Variants in VWA8 observed in about 807,000 individuals in gnomAD.
The protein encoded by VWA8 is von Willebrand factor A domain-containing protein 8.
Under a neutral mutation model 241.5 loss-of-function variants are expected in VWA8, and 221 were observed. The ratio of observed to expected loss-of-function variants is 0.91; its 90% CI spans 0.82 to 1.02. VWA8 has a LOEUF of 1.02. VWA8 is among the 50% of genes least tolerant of loss of function. The probability of loss-of-function intolerance (pLI) is 0.00; values close to 1 mark genes in which losing one functional copy is unlikely to be tolerated. For synonymous variants in VWA8, 852 were observed against 827.1 expected (o/e 1.03, Z -0.52); for missense variants, 2,322 against 2,328.7 (o/e 1.00, Z 0.06).
At chr13:41,690,126 G>A in intron 33 of VWA8, 40 bp downstream of exon 33, 1 of 1,537,144 alleles carries the variant, frequency 6.5e-7, no homozygotes, top group Non-Finnish European at 9.0e-7. Flanking sequence ...GTACAAGCAT[G>A]CACTCACACA....
At chr13:41,829,879 A>G (rs1871354947) in intron 14 of VWA8, among the ~76,000 whole-genome samples, 1 of 152,110 alleles carries the variant, frequency 6.6e-6, no homozygotes, top group African/African-American at 2.4e-5. Context: ...AATCGCCACT[A>G]AAGAACTTAT....
At chr13:41,618,295 C>T (rs1231770647) in intron 37 of VWA8, among the ~76,000 whole-genome samples, 2 of 152,192 alleles carry the variant, frequency 1.3e-5, no homozygotes, top group South Asian at 2.1e-4. Context: ...AGCGTCTGTT[C>T]ATATCCTTTG....
At chr13:41,725,240 T>C (rs1299877833) in intron 24 of VWA8, among the ~76,000 whole-genome samples, 2 of 151,278 alleles carry the variant, frequency 1.3e-5, no homozygotes, top group African/African-American at 2.4e-5. Context: ...TATATCAAGG[T>C]GGGTAGGTGA....
At chr13:41,651,860 G>A (rs998078954) in intron 37 of VWA8, among the ~76,000 whole-genome samples, 5 of 152,142 alleles carry the variant, frequency 3.3e-5, no homozygotes. Context: ...GGAAGAGAAT[G>A]GGGCTTCATT....
At chr13:41,572,405 G>A (rs9590612) in intron 43 of VWA8, among the ~76,000 whole-genome samples, 7,062 of 152,306 alleles carry the variant, frequency 0.046, 545 homozygotes, top group African/African-American at 0.16. Context: ...CTGTGTTGGT[G>A]TAGAAAGAAG....
intron 14 of VWA8, among the ~76,000 whole-genome samples, chr13:41,827,687 T>C (rs536060341): frequency 1.1e-3 from 169 of 152,320 alleles, no homozygotes; most frequent in Admixed American, 1.8e-3. Context: ...CCTCTGGAAA[T>C]AGAGCTAAGC....
chr13:41,668,645 G>A (rs1385996628), intron 37 of VWA8, among the ~76,000 whole-genome samples: 2 of 152,096 alleles, frequency 1.3e-5, no homozygotes, highest in African/African-American at 4.8e-5. Context: ...TTAATAAGAT[G>A]AGCTGGTCTA....
intron 2 of VWA8, among the ~76,000 whole-genome samples, chr13:41,938,278 G>A (rs1877440785): frequency 6.6e-6 from 1 of 152,056 alleles, no homozygotes; most frequent in African/African-American, 2.4e-5. Flanking sequence ...GATTGCTATA[G>A]AGACTCTACA....
intron 37 of VWA8, among the ~76,000 whole-genome samples, chr13:41,623,918 G>T (rs757351720): frequency 6.6e-5 from 10 of 151,864 alleles, no homozygotes; most frequent in South Asian, 2.1e-4. Context: ...ATTGATAGAT[G>T]GCTAGCTAGA....
At chr13:41,747,526 C>T (rs1341264993) in intron 21 of VWA8, among the ~76,000 whole-genome samples, 2 of 152,184 alleles carry the variant, frequency 1.3e-5, no homozygotes, top group East Asian at 3.9e-4. Context: ...TCTAGATATA[C>T]AATCATGTCA....
intron 12 of VWA8, among the ~76,000 whole-genome samples, chr13:41,835,964 G>A (rs1871706394): frequency 1.3e-5 from 2 of 152,224 alleles, no homozygotes; most frequent in Admixed American, 6.5e-5. Flanking sequence ...TCAGAAACAG[G>A]TGGGGAACTT....
rs369021215 is a variant in VWA8, at chr13:41,579,362, G to A, written c.5272-3524C>T. 4.1e-4 allele frequency among the ~76,000 whole-genome samples: 63 copies of A among 152,292 alleles called. 1 individual carries two copies. The South Asian group carries it at 9.5e-3, about 23-fold the overall frequency. On this transcript the variant is annotated intron_variant, in intron 42 of 44. Transcript: ENST00000379310. ...CCAGCGGAACCCTAGTGTTAGTTAC[G>A]TAATAACCTATAGCATTAGCTGGCT...
At chr13:41,871,765 T>C (rs1205754450) in intron 9 of VWA8, among the ~76,000 whole-genome samples, 8 of 152,190 alleles carry the variant, frequency 5.3e-5, no homozygotes, top group African/African-American at 9.7e-5. Flanking sequence ...GCAATAAACA[T>C]ACATGTGCAT....
At chr13:41,811,515 T>A (rs1210275124) in intron 16 of VWA8, among the ~76,000 whole-genome samples, 175 bp from the exon 17 acceptor site, 1 of 152,172 alleles carries the variant, frequency 6.6e-6, no homozygotes, top group Non-Finnish European at 1.5e-5. Flanking sequence ...ACTTAAAACA[T>A]CCTTGAAGAT....
In VWA8 at chr13:41,873,905, C is replaced by A. The variant is rs977835330; in HGVS notation, c.1081-5428G>T. Among the ~76,000 whole-genome samples the A allele has an allele frequency of 9.5e-4, 144 of 152,256 alleles. 2 individuals are homozygous for A. Among genetic ancestry groups the A allele is most frequent in the African/African-American group, 3.1e-3 (130 of 41,544 alleles). On this transcript the variant is annotated intron_variant, in intron 9 of 44. Coordinates refer to ENST00000379310, the MANE Select transcript of VWA8 (RefSeq NM_015058.2). ...AAAAAAGAGAATTTTAGACCAATAT[C>A]CTTGATGAACATTGATGCAAAAATC...
intron 25 of VWA8, among the ~76,000 whole-genome samples, chr13:41,720,257 C>G (rs889852884): frequency 2.0e-5 from 3 of 152,090 alleles, no homozygotes; most frequent in Admixed American, 6.6e-5. Flanking sequence ...AGTATGACTA[C>G]AACTGAATTT....
intron 3 of VWA8, among the ~76,000 whole-genome samples, chr13:41,908,122 A>G (rs1006797734): frequency 3.3e-5 from 5 of 152,174 alleles, no homozygotes; most frequent in Admixed American, 2.0e-4. Flanking sequence ...ATGTTTGCCA[A>G]GTGTATACAG....
At chr13:41,724,107 T>C (rs1479649671) in intron 24 of VWA8, among the ~76,000 whole-genome samples, 1 of 152,194 alleles carries the variant, frequency 6.6e-6, no homozygotes, top group Non-Finnish European at 1.5e-5. Flanking sequence ...TAAATACTGC[T>C]GGTAGATTCA....
chr13:41,880,296 C>T (rs566585710), intron 9 of VWA8, among the ~76,000 whole-genome samples: 3 of 152,238 alleles, frequency 2.0e-5, no homozygotes, highest in African/African-American at 7.2e-5. Flanking sequence ...CCTCCTACTC[C>T]CCCTGCCTAT....
Sources: gnomAD v4.1 joint callset for allele counts (sites outside exome capture counted in the v4.1 genomes callset) on GRCh38, gnomAD v4.1.1 for gene constraint, MANE v1.5 for transcripts, NCBI Gene and HGNC (gene_info 2026-07-23, HGNC 2026-07-21) for gene names.